Variants in PCDHGA10 observed in about 807,000 individuals in gnomAD.
PCDHGA10 encodes protocadherin gamma subfamily A, 10, also known as protocadherin gamma-A10.
A neutral mutation model predicts 59.5 loss-of-function variants in PCDHGA10; 42 were observed. The ratio of observed to expected loss-of-function variants is 0.71; its 90% CI spans 0.55 to 0.91. The LOEUF (loss-of-function observed/expected upper bound fraction) is 0.91, where lower values mean the gene tolerates loss of function less well. PCDHGA10 is among the 40% of genes least tolerant of loss of function. The pLI is 0.00. For synonymous variants in PCDHGA10, 511 were observed against 517.2 expected (o/e 0.99, Z 0.16); for missense variants, 1,111 against 1,198.2 (o/e 0.93, Z 1.07).
chr5:141,423,177 C>G (rs748689237), intron 1 of PCDHGA10: 7 of 1,613,430 alleles, frequency 4.3e-6, no homozygotes, highest in Non-Finnish European at 5.1e-6. Context: ...TCCAGGACCA[C>G]GGCCAGCCCC....
intron 1 of PCDHGA10, among the ~76,000 whole-genome samples, chr5:141,481,886 C>T (rs575190135): frequency 6.9e-6 from 1 of 145,360 alleles, no homozygotes; most frequent in South Asian, 2.2e-4. Context: ...TGCACTCCAG[C>T]CTGGGTGAAA....
chr5:141,432,715 C>T lies in PCDHGA10; in HGVS notation c.2436+17104C>T. 1 of 1,613,996 alleles carries T rather than the reference C, an allele frequency of 6.2e-7. No individual in the cohort carries two copies. The highest frequency in any genetic ancestry group is 8.5e-7 in the Non-Finnish European group (1 of 1,179,970). ...TGGCCGTCCAGGACCACGGCCAGCC[C>T]CCTCTCTCCGCCACTGTCACGCTCA... On this transcript the variant is annotated intron_variant, in intron 1 of 3. Transcript: ENST00000398610. This position sits in a 1 kb window ranked among gnomAD's most constrained non-coding sequence, Gnocchi z 6.0.
chr5:141,510,529 A>G (rs2099881539), intron 3 of PCDHGA10, among the ~76,000 whole-genome samples: 2 of 152,242 alleles, frequency 1.3e-5, no homozygotes, highest in Admixed American at 6.5e-5. Flanking sequence ...CCCTGAGAGA[A>G]ATACCAGCGA....
chr5:141,497,544 T>C (rs1410779650), intron 2 of PCDHGA10, among the ~76,000 whole-genome samples: 4 of 150,796 alleles, frequency 2.7e-5, no homozygotes, highest in African/African-American at 9.8e-5. Flanking sequence ...ACAAACCTTT[T>C]TTTTTTTTTT....
chr5:141,471,906 G>A (rs1376234079), intron 1 of PCDHGA10, among the ~76,000 whole-genome samples: 2 of 152,192 alleles, frequency 1.3e-5, no homozygotes, highest in African/African-American at 4.8e-5. Context: ...CTACAGACAA[G>A]CATGAGGGAA....
chr5:141,432,538 G>C lies in PCDHGA10; in HGVS notation c.2436+16927G>C, dbSNP rs200601557. The C allele has an allele frequency of 2.5e-5, 40 of 1,614,026 alleles. No individual in the cohort carries two copies. The highest frequency in any genetic ancestry group is 1.5e-4 in the Admixed American group (9 of 60,032). On this transcript the variant is annotated intron_variant, in intron 1 of 3. Coordinates refer to ENST00000398610, the MANE Select transcript of PCDHGA10 (RefSeq NM_018913.3). This position sits in a 1 kb window ranked among gnomAD's most constrained non-coding sequence, Gnocchi z 6.0. ...GCTACCTGGTGACCAAGGTGGTGGC[G>C]GTGGACAGAGACTCCGGCCAGAACG...
At chr5:141,418,817 G>A (rs2154547923) in intron 1 of PCDHGA10, 1 of 1,613,882 alleles carries the variant, frequency 6.2e-7, no homozygotes, top group Non-Finnish European at 8.5e-7. Flanking sequence ...GATAAACATA[G>A]AAGCAAAAGA....
chr5:141,489,084 C>A lies in PCDHGA10; in HGVS notation c.2437-5723C>A. On this transcript the variant is annotated intron_variant, in intron 1 of 3. Coordinates refer to ENST00000398610, the MANE Select transcript of PCDHGA10 (RefSeq NM_018913.3). The surrounding 1 kb of genome is among the most constrained non-coding windows in gnomAD (Gnocchi z 4.5). Reference sequence around the variant, plus strand: ...CTCCCCCCTGCCCACCCCCGCCACTCGGTGACTAAGAACTGCTGCAAGCAG... The same window carrying A: ...CTCCCCCCTGCCCACCCCCGCCACTAGGTGACTAAGAACTGCTGCAAGCAG... The A allele has an allele frequency of 9.1e-6, 3 of 329,124 alleles. No homozygotes were observed. The highest frequency in any genetic ancestry group is 1.1e-5 in the Non-Finnish European group (2 of 186,464). The allele number at this position is 329,124 out of a possible 1,614,324, so 20.4% of individuals were successfully genotyped here. A position where few individuals can be genotyped will look rare whatever the true frequency, so the allele number is the denominator to read the frequency against.
rs777925358 is a variant in PCDHGA10 at position 141,477,657 on chromosome 5, G to T, written c.2437-17150G>T. ...GTGGGTCGCTATTTCACAATAAATC[G>T]TGACAATGGCATAGTGTCATCCTTA... On this transcript the variant is annotated intron_variant, in intron 1 of 3. Transcript: ENST00000398610. This position sits in a 1 kb window ranked among gnomAD's most constrained non-coding sequence, Gnocchi z 4.9. 6.8e-6 allele frequency: 11 copies of T among 1,614,072 alleles called. No individual in the cohort carries two copies. Among genetic ancestry groups the T allele is most frequent in the South Asian group, 2.2e-5 (2 of 91,090 alleles).
At chr5:141,499,184 A>G (rs2099789986) in intron 2 of PCDHGA10, among the ~76,000 whole-genome samples, 1 of 151,726 alleles carries the variant, frequency 6.6e-6, no homozygotes, top group African/African-American at 2.4e-5. Context: ...CCAGCAAACC[A>G]TTTCCCCCTT....
At chr5:141,497,595 A>C (rs973413640) in intron 2 of PCDHGA10, among the ~76,000 whole-genome samples, 1 of 147,414 alleles carries the variant, frequency 6.8e-6, no homozygotes, top group East Asian at 2.0e-4. Context: ...GCTGGAGTGC[A>C]GTGGTGCGAT....
chr5:141,421,468 C>A (rs759548375), intron 1 of PCDHGA10: 9 of 1,614,096 alleles, frequency 5.6e-6, no homozygotes, highest in Non-Finnish European at 5.9e-6. Flanking sequence ...TGTGAATCCG[C>A]GAAGCGGCAG....
chr5:141,452,652 C>T (rs1420422511), intron 1 of PCDHGA10, among the ~76,000 whole-genome samples: 1 of 151,916 alleles, frequency 6.6e-6, no homozygotes. Flanking sequence ...TCATTTGCTC[C>T]ATCCACTGCA....
intron 1 of PCDHGA10, chr5:141,427,796 C>A: frequency 6.7e-7 from 1 of 1,502,108 alleles, no homozygotes; most frequent in Non-Finnish European, 9.2e-7. Flanking sequence ...CCTACGTGTC[C>A]GTGAGCGCAC....
intron 1 of PCDHGA10, among the ~76,000 whole-genome samples, chr5:141,461,804 C>A (rs559757409): frequency 1.4e-3 from 212 of 152,036 alleles, no homozygotes; most frequent in African/African-American, 5.0e-3. Context: ...CAGGTGCCCA[C>A]CACCACACCC....
At chr5:141,443,872 A>C (rs1446612063) in intron 1 of PCDHGA10, among the ~76,000 whole-genome samples, 4 of 152,212 alleles carry the variant, frequency 2.6e-5, no homozygotes, top group African/African-American at 9.7e-5. Flanking sequence ...AAAATTACTG[A>C]TAAGTCAAGA....
Position 141,477,403 on chromosome 5 carries a change from C to T in PCDHGA10, c.2437-17404C>T, listed in dbSNP as rs1329599078. 2 of 1,614,164 alleles carry T rather than the reference C, an allele frequency of 1.2e-6. No individual in the cohort carries two copies. Among genetic ancestry groups the T allele is most frequent in the Non-Finnish European group, 1.7e-6 (2 of 1,180,042 alleles). ...CAGAATACAACCTCAGCATCACCGC[C>T]CGAGACGCCGGAACCCCTTCCCTCT... is the stretch of plus-strand genomic sequence containing the variant. On this transcript the variant is annotated intron_variant, in intron 1 of 3. Transcript: ENST00000398610. The surrounding 1 kb of genome is among the most constrained non-coding windows in gnomAD (Gnocchi z 4.9).
rs769671283 is a variant in PCDHGA10, at chr5:141,511,391, C to A, written c.*218C>A. 1 of 1,079,748 alleles carries A rather than the reference C, an allele frequency of 9.3e-7. No homozygotes were observed. The allele number at this position is 1,079,748 out of a possible 1,614,324, so 66.9% of individuals were successfully genotyped here. On this transcript the variant is annotated 3_prime_UTR_variant, in exon 4 of 4. Transcript: ENST00000398610. ...TGCAAAAGCAGTTCCGCTGGGAACC[C>A]CCATCCAATCAACTGCTGTACCCAT...
intron 1 of PCDHGA10, among the ~76,000 whole-genome samples, chr5:141,444,473 G>A (rs943971075): frequency 2.6e-5 from 4 of 151,972 alleles, no homozygotes; most frequent in Admixed American, 6.6e-5. Flanking sequence ...GCCCGGTCGC[G>A]TACTGGATTT....
Sources: allele counts gnomAD v4.1 joint callset (sites outside exome capture counted in the v4.1 genomes callset), GRCh38; gene constraint gnomAD v4.1.1; non-coding constraint Gnocchi (gnomAD v3.1); transcripts MANE v1.5; gene names NCBI Gene and HGNC (gene_info 2026-07-23, HGNC 2026-07-21).